The following KCND2 variants were observed in gnomAD, a reference collection of about 807,000 sequenced individuals.
KCND2 encodes A-type voltage-gated potassium channel KCND2.
A neutral mutation model predicts 54.4 loss-of-function variants in KCND2; 16 were observed. The ratio of observed to expected loss-of-function variants is 0.29; its 90% CI spans 0.20 to 0.45. The LOEUF is 0.45. KCND2 is among the 20% of genes least tolerant of loss of function. The probability of loss-of-function intolerance (pLI) is 1.00; values close to 1 mark genes in which losing one functional copy is unlikely to be tolerated. For missense variants in KCND2, 486 were observed against 824.2 expected (o/e 0.59, Z 5.02); for synonymous variants, 317 against 310.7 (o/e 1.02, Z -0.21).
chr7:120,481,532 G>A (rs1308314132), intron 1 of KCND2, among the ~76,000 whole-genome samples: 2 of 152,144 alleles, frequency 1.3e-5, no homozygotes, highest in African/African-American at 2.4e-5. Context: ...GTGAGAGAAA[G>A]ACACTGAAGG....
At chr7:120,476,122 G>A (rs1231101377) in intron 1 of KCND2, among the ~76,000 whole-genome samples, 3 of 152,178 alleles carry the variant, frequency 2.0e-5, no homozygotes, top group Non-Finnish European at 4.4e-5. Context: ...TGCACAGAGG[G>A]AAAAATGAAC....
At chr7:120,423,578 C>G (rs142032285) in intron 1 of KCND2, among the ~76,000 whole-genome samples, 54 of 152,270 alleles carry the variant, frequency 3.5e-4, no homozygotes, top group Non-Finnish European at 6.9e-4. Context: ...AGCTGTGTAT[C>G]GTGTCTCTGA....
chr7:120,631,434 T>C (rs969899428), intron 1 of KCND2, among the ~76,000 whole-genome samples: 13 of 152,198 alleles, frequency 8.5e-5, no homozygotes, highest in African/African-American at 3.1e-4. Flanking sequence ...TTGTGAAGGC[T>C]TAAGATAATG....
In KCND2 at chr7:120,526,286, T is replaced by C. The variant is rs142370807; in HGVS notation, c.1116-206617T>C. On this transcript the variant is annotated intron_variant, in intron 1 of 5. Coordinates refer to ENST00000331113, the MANE Select transcript of KCND2 (RefSeq NM_012281.3). ...AGAGTGTAGAAGGAGAAATGGATCT[T>C]AAATCAAAGGGTTTCAGATGAATCT... Among the ~76,000 whole-genome samples, 38 of 152,298 alleles carry C rather than the reference T, an allele frequency of 2.5e-4. 1 individual carries two copies. In the East Asian group the frequency reaches 7.1e-3, roughly 29 times the overall value.
At chr7:120,624,246 AAAC>A (rs1156815370) in intron 1 of KCND2, among the ~76,000 whole-genome samples, 4 of 152,170 alleles carry the variant, frequency 2.6e-5, no homozygotes, top group Non-Finnish European at 1.5e-5. Flanking sequence ...CTAAGACTGA[AAAC>A]AAGTAATCAG....
chr7:120,744,569 T>C (rs1029477096), intron 4 of KCND2, among the ~76,000 whole-genome samples: 7 of 152,190 alleles, frequency 4.6e-5, no homozygotes. Flanking sequence ...GAAATATTAA[T>C]TTCAAATATT....
intron 1 of KCND2, among the ~76,000 whole-genome samples, chr7:120,543,726 G>A (rs1792010892): frequency 6.6e-6 from 1 of 151,930 alleles, no homozygotes; most frequent in Non-Finnish European, 1.5e-5. Context: ...TTCAAAACTA[G>A]TCTATTCCTT....
At chr7:120,351,803 T>C (rs1800411382) in intron 1 of KCND2, among the ~76,000 whole-genome samples, 1 of 151,940 alleles carries the variant, frequency 6.6e-6, no homozygotes, top group African/African-American at 2.4e-5. Context: ...TTTTTTTTCT[T>C]TTCTTTCTTT....
At chr7:120,321,877 C>G (rs1018354123) in intron 1 of KCND2, among the ~76,000 whole-genome samples, 17 of 152,060 alleles carry the variant, frequency 1.1e-4, no homozygotes, top group Admixed American at 3.9e-4. Context: ...TTGTTGAATA[C>G]TCCGTATAAC....
chr7:120,660,233 T>C (rs886476133), intron 1 of KCND2, among the ~76,000 whole-genome samples: 11 of 152,240 alleles, frequency 7.2e-5, no homozygotes, highest in Admixed American at 7.2e-4. Context: ...TCGTCAGTTC[T>C]GAAGTCTTTC....
intron 1 of KCND2, among the ~76,000 whole-genome samples, chr7:120,570,222 T>G (rs188809792): frequency 6.6e-6 from 1 of 152,202 alleles, no homozygotes; most frequent in East Asian, 1.9e-4. Flanking sequence ...TATTTGTATT[T>G]CACAGAGTGA....
intron 1 of KCND2, among the ~76,000 whole-genome samples, chr7:120,525,989 T>A (rs1309482991): frequency 6.6e-6 from 1 of 152,072 alleles, no homozygotes; most frequent in Non-Finnish European, 1.5e-5. Flanking sequence ...CATCTTTCCT[T>A]CCCTCTTTAC....
At chr7:120,529,909 C>CT (rs1309485169) in intron 1 of KCND2, among the ~76,000 whole-genome samples, 2 of 152,132 alleles carry the variant, frequency 1.3e-5, no homozygotes, top group Non-Finnish European at 2.9e-5. Flanking sequence ...GGATGAAACT[C>CT]TGTCTCTAAA....
At chr7:120,610,783 G>A (rs1181673643) in intron 1 of KCND2, among the ~76,000 whole-genome samples, 12 of 152,150 alleles carry the variant, frequency 7.9e-5, no homozygotes, top group Admixed American at 2.6e-4. Context: ...TTTAAAAAGT[G>A]CATACCTTCA....
intron 1 of KCND2, among the ~76,000 whole-genome samples, chr7:120,394,493 G>C (rs570547710): frequency 6.6e-6 from 1 of 152,074 alleles, no homozygotes; most frequent in Admixed American, 6.6e-5. Context: ...CCACGTTACT[G>C]AGTAGAAAGG....
chr7:120,465,992 G>T (rs930576622), intron 1 of KCND2, among the ~76,000 whole-genome samples: 2 of 152,144 alleles, frequency 1.3e-5, no homozygotes, highest in South Asian at 4.1e-4. Context: ...CTCAAAGCCA[G>T]TGGCAACACT....
At chr7:120,613,376 C>T (rs1380223936) in intron 1 of KCND2, among the ~76,000 whole-genome samples, 2 of 152,058 alleles carry the variant, frequency 1.3e-5, no homozygotes, top group African/African-American at 2.4e-5. Flanking sequence ...ACTAAAAATA[C>T]AAACATTAGC....
intron 1 of KCND2, among the ~76,000 whole-genome samples, chr7:120,486,327 C>A (rs555829384): frequency 4.9e-4 from 74 of 152,220 alleles, no homozygotes; most frequent in African/African-American, 1.8e-3. Context: ...GAACTAAAAA[C>A]AATGAAACCT....
intron 1 of KCND2, among the ~76,000 whole-genome samples, chr7:120,556,635 C>A (rs1792169781): frequency 6.6e-6 from 1 of 152,080 alleles, no homozygotes; most frequent in African/African-American, 2.4e-5. Context: ...CTCACTATGA[C>A]ATTTTACATT....
Sources: allele counts gnomAD v4.1 joint callset (sites outside exome capture counted in the v4.1 genomes callset), GRCh38; gene constraint gnomAD v4.1.1; transcripts MANE v1.5; gene names NCBI Gene and HGNC (gene_info 2026-07-23, HGNC 2026-07-21).